CUL2: variants seen among roughly 807,000 people sequenced by gnomAD.
CUL2 encodes the protein cullin-2.
In CUL2, 22 loss-of-function variants were observed where a neutral mutation model predicts 110.2. The observed-to-expected ratio is 0.20, with a 90% CI of 0.14 to 0.28. The LOEUF is 0.28. CUL2 is among the 10% of genes least tolerant of loss of function. The pLI is 1.00. For missense variants in CUL2, 631 were observed against 905.5 expected, an observed-to-expected ratio of 0.70 and a Z score of 3.89; for synonymous variants, 279 against 293.2, an observed-to-expected ratio of 0.95 and a Z score of 0.49.
chr10:35,103,421 T>C (rs1471959831), intron 1 of CUL2, among the ~76,000 whole-genome samples: 2 of 144,336 alleles, frequency 1.4e-5, no homozygotes, highest in African/African-American at 2.5e-5. Flanking sequence ...GCCTCCCGGG[T>C]TCACGCCATT....
At chr10:35,097,348 G>A (rs1807953208) in intron 2 of CUL2, among the ~76,000 whole-genome samples, 1 of 152,016 alleles carries the variant, frequency 6.6e-6, no homozygotes, top group South Asian at 2.1e-4. Flanking sequence ...CAAGGAGGGA[G>A]GATTGCTTGA....
chr10:35,093,448 T>G (rs2087244503), upstream of CUL2, among the ~76,000 whole-genome samples: 1 of 151,488 alleles, frequency 6.6e-6, no homozygotes, highest in Non-Finnish European at 1.5e-5. Flanking sequence ...CTCTTGAGTG[T>G]AGGAATTTGA....
intron 2 of CUL2, 35 bp from the exon 3 acceptor site, chr10:35,063,097 A>G: frequency 2.5e-6 from 3 of 1,178,454 alleles, no homozygotes; most frequent in Non-Finnish European, 3.7e-6. Flanking sequence ...TATTTATTGG[A>G]GACAATTTTA....
intron 19 of CUL2, among the ~76,000 whole-genome samples, chr10:35,013,348 A>G (rs2084951260): frequency 6.6e-6 from 1 of 151,804 alleles, no homozygotes; most frequent in Non-Finnish European, 1.5e-5. Flanking sequence ...CCGTCTCAAA[A>G]AAAAAAAAAA....
chr10:35,080,465 ATTT>A (rs1448796080), intron 1 of CUL2, among the ~76,000 whole-genome samples: 3 of 143,422 alleles, frequency 2.1e-5, no homozygotes, highest in Non-Finnish European at 4.5e-5. Flanking sequence ...TTATTTATTT[ATTT>A]ATTTATTTAT....
At chr10:35,029,782 C>T in intron 14 of CUL2, 142 bp from the exon 15 acceptor site, 1 of 540,628 alleles carries the variant, frequency 1.8e-6, no homozygotes, top group Non-Finnish European at 3.1e-6. Flanking sequence ...GTAATATATT[C>T]TTCATAAGTC....
chr10:35,019,348 T>C (rs562100720), intron 17 of CUL2, among the ~76,000 whole-genome samples: 1 of 152,064 alleles, frequency 6.6e-6, no homozygotes, highest in South Asian at 2.1e-4. Flanking sequence ...TCTTATTGAG[T>C]TCATTCTTTC....
At chr10:35,119,184 T>C (rs1253092319) in intron 1 of CUL2, among the ~76,000 whole-genome samples, 1 of 152,246 alleles carries the variant, frequency 6.6e-6, no homozygotes, top group East Asian at 1.9e-4. Context: ...TAAATAATTG[T>C]GTAACTGGGA....
At chr10:35,112,501 C>G (rs1330285048) in intron 1 of CUL2, among the ~76,000 whole-genome samples, 2 of 152,168 alleles carry the variant, frequency 1.3e-5, no homozygotes, top group Non-Finnish European at 2.9e-5. Context: ...TACCAGAGTT[C>G]ACAGAGGCCA....
chr10:35,016,188 A>T lies in CUL2; in HGVS notation c.1887+4T>A. ...CTTAAATTCTTTGGAATATTACTAC[A>T]TACCTTTTCTGAATCATGGTTAATC... On this transcript the variant is annotated splice_donor_region_variant and intron_variant, in intron 18 of 20. Transcript: ENST00000374749. The T allele has an allele frequency of 1.2e-6, 2 of 1,609,744 alleles. No homozygotes were observed. The highest frequency in any genetic ancestry group is 1.7e-6 in the Non-Finnish European group (2 of 1,176,842).
intron 1 of CUL2, among the ~76,000 whole-genome samples, chr10:35,118,012 T>C (rs2087630105): frequency 6.6e-6 from 1 of 152,230 alleles, no homozygotes; most frequent in South Asian, 2.1e-4. Context: ...CATGTTCTAC[T>C]TGTTAGAACT....
At chr10:35,021,851 T>C (rs1238471891) in intron 17 of CUL2, among the ~76,000 whole-genome samples, 6 of 58,442 alleles carry the variant, frequency 1.0e-4, no homozygotes, top group Middle Eastern at 8.6e-3. Flanking sequence ...TGAGGTGAGG[T>C]GAGGTGAGGT....
At chr10:35,103,898 A>C (rs1482279795) in intron 1 of CUL2, among the ~76,000 whole-genome samples, 1 of 152,070 alleles carries the variant, frequency 6.6e-6, no homozygotes, top group Non-Finnish European at 1.5e-5. Flanking sequence ...TCTCCAAGGG[A>C]TAGATCTTGG....
chr10:35,036,004 A>G (rs1017899319), intron 9 of CUL2, among the ~76,000 whole-genome samples: 8 of 152,236 alleles, frequency 5.3e-5, no homozygotes, highest in Admixed American at 2.0e-4. Flanking sequence ...CCATAAGTGT[A>G]TATCTTACTG....
chr10:35,114,313 C>T (rs2087563641), intron 1 of CUL2, among the ~76,000 whole-genome samples: 2 of 152,074 alleles, frequency 1.3e-5, no homozygotes, highest in Non-Finnish European at 2.9e-5. Flanking sequence ...ATTCTCCCTA[C>T]CTCGGCCTCC....
chr10:35,024,293 C>T (rs1158979379), intron 17 of CUL2, among the ~76,000 whole-genome samples: 1 of 152,096 alleles, frequency 6.6e-6, no homozygotes, highest in African/African-American at 2.4e-5. Flanking sequence ...TGAGCCATCA[C>T]GTTCCCAAGA....
intron 1 of CUL2, among the ~76,000 whole-genome samples, chr10:35,101,616 G>T (rs1354034114): frequency 6.6e-6 from 1 of 152,210 alleles, no homozygotes; most frequent in Non-Finnish European, 1.5e-5. Context: ...CAAGTGGGAT[G>T]CTAGGTCCTC....
intron 4 of CUL2, among the ~76,000 whole-genome samples, chr10:35,054,748 C>T (rs1037415209): frequency 6.6e-6 from 1 of 152,268 alleles, no homozygotes; most frequent in South Asian, 2.1e-4. Flanking sequence ...CCTTACAATA[C>T]CCTTCTAGCC....
chr10:35,094,465 C>T (rs1343872220), upstream of CUL2, among the ~76,000 whole-genome samples: 1 of 152,154 alleles, frequency 6.6e-6, no homozygotes, highest in Admixed American at 6.6e-5. Flanking sequence ...GAACTCCTGA[C>T]CTCAGGTGAT....
Sources: allele counts gnomAD v4.1 joint callset (sites outside exome capture counted in the v4.1 genomes callset), GRCh38; gene constraint gnomAD v4.1.1; transcripts MANE v1.5; gene names NCBI Gene and HGNC (gene_info 2026-07-23, HGNC 2026-07-21).